PPP4R4: variants seen among roughly 807,000 people sequenced by gnomAD.
PPP4R4 encodes the protein serine/threonine-protein phosphatase 4 regulatory subunit 4.
Under a neutral mutation model 121.8 loss-of-function variants are expected in PPP4R4, and 70 were observed. That is an observed-to-expected ratio of 0.57 (90% CI 0.47 to 0.70). The LOEUF is 0.70. PPP4R4 is among the 30% of genes least tolerant of loss of function. The pLI is 0.00. For missense variants in PPP4R4, 875 were observed against 1,033.6 expected, an observed-to-expected ratio of 0.85 and a Z score of 2.10; for synonymous variants, 348 against 355.7, an observed-to-expected ratio of 0.98 and a Z score of 0.24.
chr14:94,252,626 A>G (rs532382078), intron 16 of PPP4R4, among the ~76,000 whole-genome samples: 104 of 152,324 alleles, frequency 6.8e-4, no homozygotes, highest in Admixed American at 9.8e-4. Flanking sequence ...TTGATAATAG[A>G]ATGAAAAGAA....
At chr14:94,233,044 C>G (rs374250682) in intron 5 of PPP4R4, among the ~76,000 whole-genome samples, 3 of 145,816 alleles carry the variant, frequency 2.1e-5, no homozygotes, top group Non-Finnish European at 3.0e-5. Flanking sequence ...GGCGACAGAG[C>G]GAGACTCCGT....
chr14:94,201,841 G>A (rs1890197878), intron 2 of PPP4R4, among the ~76,000 whole-genome samples: 1 of 151,946 alleles, frequency 6.6e-6, no homozygotes, highest in Non-Finnish European at 1.5e-5. Context: ...GCTTGCAAAT[G>A]CATGTTTGTA....
intron 2 of PPP4R4, among the ~76,000 whole-genome samples, chr14:94,192,041 G>A (rs540139209): frequency 6.0e-4 from 92 of 152,176 alleles, no homozygotes; most frequent in African/African-American, 2.2e-3. Context: ...ATATTGTGAT[G>A]ATTAATGTGA....
At chr14:94,183,799 G>C (rs534415775) in intron 2 of PPP4R4, among the ~76,000 whole-genome samples, 116 of 152,028 alleles carry the variant, frequency 7.6e-4, no homozygotes, top group African/African-American at 2.7e-3. Context: ...TGTAAGCATA[G>C]TGTTTTATTA....
intron 22 of PPP4R4, 143 bp downstream of exon 22, chr14:94,266,030 G>A (rs959870211): frequency 9.3e-6 from 5 of 540,436 alleles, no homozygotes; most frequent in African/African-American, 6.0e-5. Context: ...TTCTTCTGTA[G>A]GGATTGTTAT....
At chr14:94,175,713 T>A (rs1888644261) in intron 1 of PPP4R4, 1 of 284,262 alleles carries the variant, frequency 3.5e-6, no homozygotes, top group Non-Finnish European at 6.8e-6. Flanking sequence ...CCTTGAAGTA[T>A]TAGAGATAAA....
At chr14:94,185,465 C>A (rs1383699525) in intron 2 of PPP4R4, among the ~76,000 whole-genome samples, 1 of 151,994 alleles carries the variant, frequency 6.6e-6, no homozygotes, top group African/African-American at 2.4e-5. Context: ...CACGAGTGTG[C>A]CACTGAACTC....
intron 9 of PPP4R4, 127 bp from the exon 10 acceptor site, chr14:94,241,661 T>G: frequency 1.5e-6 from 1 of 685,126 alleles, no homozygotes; most frequent in Non-Finnish European, 2.4e-6. Flanking sequence ...TCCTTTTATT[T>G]ATAAAGTATC....
intron 16 of PPP4R4, among the ~76,000 whole-genome samples, chr14:94,255,694 A>G (rs2139612529): frequency 6.6e-6 from 1 of 151,714 alleles, no homozygotes; most frequent in Middle Eastern, 3.4e-3. Flanking sequence ...CTCTTGCCTG[A>G]ATTATTGTAA....
chr14:94,270,228 G>A (rs1256854768), intron 23 of PPP4R4, among the ~76,000 whole-genome samples: 1 of 152,148 alleles, frequency 6.6e-6, no homozygotes, highest in Non-Finnish European at 1.5e-5. Context: ...GCTGAAAGAA[G>A]CTAAAGACCT....
At chr14:94,221,683 C>CA (rs1163531327) in intron 3 of PPP4R4, among the ~76,000 whole-genome samples, 4 of 151,832 alleles carry the variant, frequency 2.6e-5, no homozygotes, top group East Asian at 1.9e-4. Context: ...AACAAACAAA[C>CA]AAAAAAACAG....
At chr14:94,220,978 TGATTTCAA>T (rs761279339) in intron 3 of PPP4R4, among the ~76,000 whole-genome samples, 79 of 152,266 alleles carry the variant, frequency 5.2e-4, no homozygotes, top group Non-Finnish European at 9.6e-4. Flanking sequence ...TTGCATTACC[TGATTTCAA>T]GACATAATAT....
intron 19 of PPP4R4, among the ~76,000 whole-genome samples, chr14:94,260,963 T>C (rs887609698): frequency 1.3e-5 from 2 of 152,224 alleles, no homozygotes; most frequent in African/African-American, 4.8e-5. Context: ...TTATGATCCA[T>C]TTCAAGTACA....
At chr14:94,243,351 C>T (rs1052902815) in intron 11 of PPP4R4, among the ~76,000 whole-genome samples, 3 of 151,954 alleles carry the variant, frequency 2.0e-5, no homozygotes, top group East Asian at 1.9e-4. Context: ...TTCGGAGGAG[C>T]GGGGATAGGG....
At chr14:94,264,989 T>A (rs1389067306) in intron 20 of PPP4R4, 42 bp downstream of exon 20, 1 of 1,341,472 alleles carries the variant, frequency 7.5e-7, no homozygotes, top group African/African-American at 1.5e-5. Flanking sequence ...ATTACATAAT[T>A]AATGTTGCAT....
intron 3 of PPP4R4, among the ~76,000 whole-genome samples, chr14:94,214,031 A>G (rs968344062): frequency 4.6e-5 from 7 of 152,196 alleles, no homozygotes; most frequent in African/African-American, 1.7e-4. Flanking sequence ...TAAGGGCAGA[A>G]TATTTGTCAG....
rs558658357 is a variant in PPP4R4 at position 94,221,497 on chromosome 14, A to G, written c.295-9090A>G. ...TTCATAAAGAACTTCTCAAAACACA[A>G]TAATAAAACAACCCAATTTTTAGAA... On this transcript the variant is annotated intron_variant, in intron 3 of 24. Transcript: ENST00000304338. Among the ~76,000 whole-genome samples the G allele has an allele frequency of 2.0e-5, 3 of 152,266 alleles. No homozygotes were observed. In the South Asian group the frequency reaches 6.2e-4, roughly 32 times the overall value.
chr14:94,225,803 T>TA (rs1271518906), intron 3 of PPP4R4, among the ~76,000 whole-genome samples: 1 of 152,206 alleles, frequency 6.6e-6, no homozygotes, highest in Non-Finnish European at 1.5e-5. Flanking sequence ...TTCTTTGGGC[T>TA]ACTTTTGAGA....
At chr14:94,258,433 T>C (rs1893592466) in intron 17 of PPP4R4, among the ~76,000 whole-genome samples, 1 of 152,330 alleles carries the variant, frequency 6.6e-6, no homozygotes, top group African/African-American at 2.4e-5. Context: ...TAAAAGACTT[T>C]TTAAAACTTC....
Sources: allele counts gnomAD v4.1 joint callset (sites outside exome capture counted in the v4.1 genomes callset), GRCh38; gene constraint gnomAD v4.1.1; transcripts MANE v1.5; gene names NCBI Gene and HGNC (gene_info 2026-07-23, HGNC 2026-07-21).